The following MPHOSPH9 variants were observed in gnomAD, a reference collection of about 807,000 sequenced individuals.
The protein encoded by MPHOSPH9 is M-phase phosphoprotein 9.
In MPHOSPH9, 88 loss-of-function variants were observed where a neutral mutation model predicts 145.5. The ratio of observed to expected loss-of-function variants is 0.60; its 90% CI spans 0.51 to 0.72. MPHOSPH9 has a LOEUF of 0.72. MPHOSPH9 is among the 30% of genes least tolerant of loss of function. The pLI is 0.00. For synonymous variants in MPHOSPH9, 435 were observed against 486.2 expected (o/e 0.89, Z 1.39); for missense variants, 1,238 against 1,386.6 (o/e 0.89, Z 1.70).
intron 3 of MPHOSPH9, among the ~76,000 whole-genome samples, chr12:123,225,928 C>T (rs1218595328): frequency 1.3e-5 from 2 of 152,066 alleles, no homozygotes; most frequent in Non-Finnish European, 1.5e-5. Flanking sequence ...CTCAGCTACT[C>T]GGGAGACTGA....
At chr12:123,213,592 G>A (rs1016957596) in intron 7 of MPHOSPH9, among the ~76,000 whole-genome samples, 1 of 152,080 alleles carries the variant, frequency 6.6e-6, no homozygotes, top group African/African-American at 2.4e-5. Flanking sequence ...TCATACCTTG[G>A]ACTCTCAAAG....
At chr12:123,202,596 A>G (rs763859647) in intron 10 of MPHOSPH9, 28 bp downstream of exon 10, 1 of 1,570,766 alleles carries the variant, frequency 6.4e-7, no homozygotes, top group Non-Finnish European at 8.7e-7. Context: ...ATCTATTAAC[A>G]TTACAAGCCA....
chr12:123,157,229 A>C (rs1321521343), intron 23 of MPHOSPH9, among the ~76,000 whole-genome samples: 2 of 152,158 alleles, frequency 1.3e-5, no homozygotes, highest in Non-Finnish European at 2.9e-5. Context: ...ACAGTACAAG[A>C]GGAGCCTAGG....
upstream of MPHOSPH9, among the ~76,000 whole-genome samples, chr12:123,237,417 A>C (rs776427689): frequency 9.8e-5 from 15 of 152,318 alleles, no homozygotes; most frequent in Non-Finnish European, 2.1e-4. Flanking sequence ...GTGACAAGCG[A>C]AACTCCGGCT....
At chr12:123,178,276 AG>A (rs1415626431) in intron 15 of MPHOSPH9, among the ~76,000 whole-genome samples, 5 of 152,238 alleles carry the variant, frequency 3.3e-5, no homozygotes, top group African/African-American at 1.2e-4. Context: ...CTTTGATGCA[AG>A]GAAGATTTGA....
chr12:123,240,867 T>C (rs1198190266), intron 1 of MPHOSPH9, among the ~76,000 whole-genome samples: 1 of 150,560 alleles, frequency 6.6e-6, no homozygotes, highest in African/African-American at 2.4e-5. Flanking sequence ...AGCACACCAC[T>C]GCACCCAGCT....
intron 1 of MPHOSPH9, among the ~76,000 whole-genome samples, chr12:123,239,405 T>G (rs2047895564): frequency 1.2e-5 from 1 of 80,012 alleles, no homozygotes; most frequent in South Asian, 5.6e-4. Context: ...TAGTTTTGTT[T>G]TTTTGTTTGT....
chr12:123,212,251 G>C (rs1178188391), intron 7 of MPHOSPH9, among the ~76,000 whole-genome samples: 1 of 152,114 alleles, frequency 6.6e-6, no homozygotes, highest in Non-Finnish European at 1.5e-5. Flanking sequence ...GGATAATTAA[G>C]AGGGCATCAG....
chr12:123,186,171 G>A (rs1343444039), intron 13 of MPHOSPH9, among the ~76,000 whole-genome samples: 1 of 148,674 alleles, frequency 6.7e-6, no homozygotes, highest in African/African-American at 2.5e-5. Flanking sequence ...AGGTTGTGGT[G>A]AGCTGAGATC....
At chr12:123,202,560 T>C in intron 10 of MPHOSPH9, 64 bp downstream of exon 10, 1 of 1,447,340 alleles carries the variant, frequency 6.9e-7, no homozygotes, top group Non-Finnish European at 9.4e-7. Flanking sequence ...TCAATAAAGA[T>C]CATTTTCAAT....
rs1221563526 is a variant in MPHOSPH9, at chr12:123,177,267, C to T, written c.2355-478G>A. 4.6e-5 allele frequency among the ~76,000 whole-genome samples: 7 copies of T among 152,124 alleles called. No individual in the cohort carries two copies. In the South Asian group the frequency reaches 1.4e-3, roughly 32 times the overall value. ...AAGCTAAATAAGCCAGGTGCAGTGG[C>T]TCACGCCTGTAATCCCAGCACTTTG... On this transcript the variant is annotated intron_variant, in intron 15 of 23. Coordinates refer to ENST00000606320, the MANE Select transcript of MPHOSPH9 (RefSeq NM_022782.4).
chr12:123,202,139 T>C (rs776668443), intron 11 of MPHOSPH9, 25 bp downstream of exon 11: 1 of 1,584,340 alleles, frequency 6.3e-7, no homozygotes, highest in Non-Finnish European at 8.6e-7. Context: ...TGGAGAAAAC[T>C]TCACAGCTAA....
chr12:123,177,982 C>T (rs1268420802), intron 15 of MPHOSPH9, among the ~76,000 whole-genome samples: 1 of 152,130 alleles, frequency 6.6e-6, no homozygotes, highest in Non-Finnish European at 1.5e-5. Context: ...AGTTTACCAA[C>T]AGGAAATAAC....
Position 123,185,513 on chromosome 12 carries a change from G to A in MPHOSPH9, c.2242-4303C>T, listed in dbSNP as rs570884764. On this transcript the variant is annotated intron_variant, in intron 13 of 23. Transcript: ENST00000606320. ...AATCCCAGCACTTTGGGAGGCCAGT[G>A]TGGGAGTATCGCTTGAGCTCAGGAG... Among the ~76,000 whole-genome samples the A allele has an allele frequency of 1.3e-4, 20 of 152,272 alleles. No homozygotes were observed. The South Asian group carries it at 2.5e-3, about 19-fold the overall frequency.
At chr12:123,181,692 C>T (rs1455378931) in intron 13 of MPHOSPH9, among the ~76,000 whole-genome samples, 1 of 152,000 alleles carries the variant, frequency 6.6e-6, no homozygotes, top group Non-Finnish European at 1.5e-5. Context: ...GATCGTGCCA[C>T]TGTACTCTAA....
At chr12:123,211,186 T>C (rs1176858053) in intron 7 of MPHOSPH9, among the ~76,000 whole-genome samples, 1 of 151,984 alleles carries the variant, frequency 6.6e-6, no homozygotes, top group Non-Finnish European at 1.5e-5. Context: ...GGTTTTGCCA[T>C]TTTGGCTAGA....
chr12:123,200,599 G>A (rs184452353), intron 11 of MPHOSPH9, among the ~76,000 whole-genome samples: 12 of 151,618 alleles, frequency 7.9e-5, no homozygotes, highest in South Asian at 4.2e-4. Context: ...GTTCACTGGC[G>A]GGCTTCTTTC....
At chr12:123,153,169 T>G (rs2043807448), downstream of MPHOSPH9, 1 of 152,198 alleles carries the variant, frequency 6.6e-6, no homozygotes, top group Admixed American at 6.5e-5. Context: ...GAAGGGGCAA[T>G]TATTTGGAGG....
In MPHOSPH9 at chr12:123,230,413, G is replaced by A. The variant is rs1452712015; in HGVS notation, c.-49C>T. ...TCTTATTGGAAAATAAAGGTTCTTGGGCTGTTTGAGAAAAATGAATCCGTG... is the reference window on the plus strand; with the variant it reads ...TCTTATTGGAAAATAAAGGTTCTTGAGCTGTTTGAGAAAAATGAATCCGTG... On this transcript the variant is annotated 5_prime_UTR_variant, in exon 2 of 24. Transcript: ENST00000606320. 5 of 1,181,116 alleles carry A rather than the reference G, an allele frequency of 4.2e-6. No individual in the cohort carries two copies. Among genetic ancestry groups the A allele is most frequent in the Non-Finnish European group, 5.9e-6 (5 of 852,886 alleles). 73.2% of individuals were successfully genotyped at this position (1,181,116 alleles called of 1,614,324 possible).
Sources: allele counts gnomAD v4.1 joint callset (sites outside exome capture counted in the v4.1 genomes callset), GRCh38; gene constraint gnomAD v4.1.1; transcripts MANE v1.5; gene names NCBI Gene and HGNC (gene_info 2026-07-23, HGNC 2026-07-21).